The following FSTL5 variants were observed in gnomAD, a reference collection of about 807,000 sequenced individuals.
FSTL5 encodes the protein follistatin-related protein 5.
FSTL5 carries 62 observed loss-of-function variants against 89.1 expected under a neutral mutation model. The ratio of observed to expected loss-of-function variants is 0.70; its 90% CI spans 0.57 to 0.86. The LOEUF (loss-of-function observed/expected upper bound fraction) is 0.86. FSTL5 is among the 40% of genes least tolerant of loss of function. The probability of loss-of-function intolerance (pLI) is 0.00; values close to 1 mark genes in which losing one functional copy is unlikely to be tolerated. For missense variants in FSTL5, 1,057 were observed against 1,001.6 expected, an observed-to-expected ratio of 1.06 and a Z score of -0.75; for synonymous variants, 383 against 346.2, an observed-to-expected ratio of 1.11 and a Z score of -1.18.
chr4:161,443,637 G>GT (rs1217332228), intron 15 of FSTL5, among the ~76,000 whole-genome samples: 2 of 151,952 alleles, frequency 1.3e-5, no homozygotes, highest in African/African-American at 4.8e-5. Context: ...TACAACTGAT[G>GT]TAAGGTTGAA....
intron 13 of FSTL5, among the ~76,000 whole-genome samples, chr4:161,476,336 C>A (rs555101073): frequency 6.6e-6 from 1 of 151,674 alleles, no homozygotes; most frequent in African/African-American, 2.4e-5. Flanking sequence ...TACAGGCATG[C>A]GCCACCACGC....
At chr4:161,871,292 C>T (rs1732254319) in intron 4 of FSTL5, among the ~76,000 whole-genome samples, 2 of 151,986 alleles carry the variant, frequency 1.3e-5, no homozygotes, top group Non-Finnish European at 2.9e-5. Context: ...TATATTTGCA[C>T]TTAGTAAAAA....
In FSTL5 at chr4:161,384,526, C is replaced by T. The variant is rs191148749; in HGVS notation, c.*1221G>A. 1.1e-4 allele frequency: 16 copies of T among 152,086 alleles called. No individual in the cohort carries two copies. The East Asian group carries it at 2.7e-3, about 26-fold the overall frequency. The allele number at this position is 152,086 out of a possible 1,614,324, so 9.4% of individuals were successfully genotyped here. A position where few individuals can be genotyped will look rare whatever the true frequency, so the allele number is the denominator to read the frequency against. Reference sequence around the variant, plus strand: ...CTACAGTGTCTCAAGTAGGAGGATTCGTTAGGTTTCAAACTACAGCACATA... The same window carrying T: ...CTACAGTGTCTCAAGTAGGAGGATTTGTTAGGTTTCAAACTACAGCACATA... On this transcript the variant is annotated 3_prime_UTR_variant, in exon 16 of 16. Coordinates refer to ENST00000306100, the MANE Select transcript of FSTL5 (RefSeq NM_020116.5).
intron 1 of FSTL5, among the ~76,000 whole-genome samples, chr4:162,114,384 G>A (rs557335369): frequency 7.2e-5 from 11 of 152,122 alleles, no homozygotes; most frequent in Non-Finnish European, 1.6e-4. Context: ...AGTCAAGAAA[G>A]AGGCATGAAA....
chr4:161,834,978 A>C (rs1324232692), intron 4 of FSTL5, among the ~76,000 whole-genome samples: 1 of 146,792 alleles, frequency 6.8e-6, no homozygotes, highest in Non-Finnish European at 1.5e-5. Context: ...ACACCAAAAA[A>C]GAGCCTGCAT....
intron 9 of FSTL5, among the ~76,000 whole-genome samples, chr4:161,540,245 G>A (rs191987507): frequency 2.6e-5 from 4 of 152,166 alleles, no homozygotes; most frequent in East Asian, 1.9e-4. Flanking sequence ...TTGCATAAGC[G>A]AGTTTATAAT....
intron 15 of FSTL5, among the ~76,000 whole-genome samples, chr4:161,422,777 C>T (rs1017684990): frequency 6.7e-6 from 1 of 148,204 alleles, no homozygotes; most frequent in African/African-American, 2.7e-5. Context: ...TACCACAATG[C>T]ATCACATTTC....
chr4:161,930,328 TC>T (rs2110892158), intron 3 of FSTL5, among the ~76,000 whole-genome samples: 1 of 151,912 alleles, frequency 6.6e-6, no homozygotes, highest in Admixed American at 6.6e-5. Flanking sequence ...AATGTTTTCT[TC>T]CCCAAACCCC....
intron 5 of FSTL5, among the ~76,000 whole-genome samples, chr4:161,771,241 C>T (rs953974319): frequency 6.6e-6 from 1 of 152,026 alleles, no homozygotes; most frequent in Non-Finnish European, 1.5e-5. Context: ...TTCCCTTTAT[C>T]TCTATTATAA....
At chr4:161,698,114 A>C (rs1429643867) in intron 6 of FSTL5, among the ~76,000 whole-genome samples, 1 of 152,136 alleles carries the variant, frequency 6.6e-6, no homozygotes, top group African/African-American at 2.4e-5. Flanking sequence ...GCCCTTATAA[A>C]AGACACCCTG....
At chr4:161,770,188 G>A (rs925721961) in intron 5 of FSTL5, among the ~76,000 whole-genome samples, 1 of 151,994 alleles carries the variant, frequency 6.6e-6, no homozygotes, top group Non-Finnish European at 1.5e-5. Flanking sequence ...CAGCGATAGA[G>A]CATAGAATGG....
At chr4:161,658,628 T>G (rs1260235141) in intron 6 of FSTL5, among the ~76,000 whole-genome samples, 2 of 152,144 alleles carry the variant, frequency 1.3e-5, no homozygotes, top group South Asian at 4.1e-4. Context: ...GACATGTATA[T>G]ACATAAATAA....
At chr4:162,026,390 C>A (rs894046072) in intron 3 of FSTL5, among the ~76,000 whole-genome samples, 2 of 134,814 alleles carry the variant, frequency 1.5e-5, no homozygotes, top group Non-Finnish European at 3.1e-5. Flanking sequence ...CCACTGCAAC[C>A]TACTTCTCCT....
At chr4:161,963,012 A>G (rs972336076) in intron 3 of FSTL5, among the ~76,000 whole-genome samples, 1 of 152,026 alleles carries the variant, frequency 6.6e-6, no homozygotes, top group African/African-American at 2.4e-5. Flanking sequence ...CAGCTTTGCC[A>G]CTTGCTAGCT....
At chr4:162,120,507 C>T (rs1178330356) in intron 1 of FSTL5, among the ~76,000 whole-genome samples, 1 of 152,050 alleles carries the variant, frequency 6.6e-6, no homozygotes, top group Non-Finnish European at 1.5e-5. Flanking sequence ...ATCCTAGAGA[C>T]TTAGTCCAAC....
Position 161,649,917 on chromosome 4 carries a change from G to C in FSTL5, c.894+6411C>G, listed in dbSNP as rs190161882. Among the ~76,000 whole-genome samples, 912 of 152,296 alleles carry C rather than the reference G, an allele frequency of 6.0e-3. 10 individuals are homozygous for C. The highest frequency in any genetic ancestry group is 0.045 in the South Asian group (219 of 4,828). ...ATATAGTTTGATGGCTGGAGCTCCAGCAGCCTGCTTGAACCCTGAGATTAC... is the reference window on the plus strand; with the variant it reads ...ATATAGTTTGATGGCTGGAGCTCCACCAGCCTGCTTGAACCCTGAGATTAC... On this transcript the variant is annotated intron_variant, in intron 7 of 15. Transcript: ENST00000306100.
At chr4:162,104,531 T>C (rs1439062883) in intron 2 of FSTL5, among the ~76,000 whole-genome samples, 3 of 152,168 alleles carry the variant, frequency 2.0e-5, no homozygotes, top group African/African-American at 7.2e-5. Context: ...ACAAACAGGC[T>C]CATACAACAG....
chr4:161,693,546 A>G (rs535178494), intron 6 of FSTL5, among the ~76,000 whole-genome samples: 5 of 150,158 alleles, frequency 3.3e-5, no homozygotes, highest in Non-Finnish European at 7.4e-5. Context: ...AGTCAGTTTT[A>G]GTAATTTGTG....
chr4:161,892,655 T>C (rs1313715730), intron 4 of FSTL5, among the ~76,000 whole-genome samples: 1 of 152,060 alleles, frequency 6.6e-6, no homozygotes, highest in Non-Finnish European at 1.5e-5. Flanking sequence ...AATTCAGTAA[T>C]TTCCACATCA....
Sources: allele counts gnomAD v4.1 joint callset (sites outside exome capture counted in the v4.1 genomes callset), GRCh38; gene constraint gnomAD v4.1.1; transcripts MANE v1.5; gene names NCBI Gene and HGNC (gene_info 2026-07-23, HGNC 2026-07-21).